Variants in CMIP observed in about 807,000 individuals in gnomAD.
The protein encoded by CMIP is c-Maf inducing protein.
In CMIP, 13 loss-of-function variants were observed where a neutral mutation model predicts 97.3. The ratio of observed to expected loss-of-function variants is 0.13; its 90% confidence interval spans 0.09 to 0.21. CMIP has a LOEUF of 0.21. CMIP is among the 10% of genes least tolerant of loss of function. The probability of loss-of-function intolerance (pLI) is 1.00; values close to 1 mark genes in which losing one functional copy is unlikely to be tolerated. For missense variants in CMIP, 847 were observed against 1,024.9 expected, an observed-to-expected ratio of 0.83 and a Z score of 2.37; for synonymous variants, 538 against 436.3, an observed-to-expected ratio of 1.23 and a Z score of -2.91.
chr16:81,603,143 G>A (rs149878874), intron 1 of CMIP, among the ~76,000 whole-genome samples: 3 of 152,212 alleles, frequency 2.0e-5, no homozygotes, highest in East Asian at 3.9e-4. Flanking sequence ...GCAGTGGCGC[G>A]ATCTCGGCTC....
intron 1 of CMIP, among the ~76,000 whole-genome samples, chr16:81,570,386 G>C (rs12444016): frequency 0.049 from 7,442 of 152,272 alleles, 265 homozygotes; most frequent in Middle Eastern, 0.13. Flanking sequence ...GAAGCACACT[G>C]GCGGTGAACC....
At chr16:81,463,103 G>A (rs1452856515) in intron 1 of CMIP, among the ~76,000 whole-genome samples, 4 of 152,178 alleles carry the variant, frequency 2.6e-5, no homozygotes, top group African/African-American at 9.7e-5. Flanking sequence ...GATGAGTGCA[G>A]GTCTAATGGG....
At chr16:81,475,190 C>T (rs1037765513) in intron 1 of CMIP, among the ~76,000 whole-genome samples, 3 of 152,150 alleles carry the variant, frequency 2.0e-5, no homozygotes. Context: ...CTGTCTCTTT[C>T]TCTCTAGGTG....
At chr16:81,488,842 A>G (rs2089362098) in intron 1 of CMIP, among the ~76,000 whole-genome samples, 2 of 152,160 alleles carry the variant, frequency 1.3e-5, no homozygotes, top group Non-Finnish European at 1.5e-5. Flanking sequence ...AGAGCGATGT[A>G]GTTGCCACTG....
At chr16:81,654,034 G>C (rs566631506) in intron 4 of CMIP, among the ~76,000 whole-genome samples, 80 of 152,284 alleles carry the variant, frequency 5.3e-4, no homozygotes, top group Non-Finnish European at 9.3e-4. Flanking sequence ...CCTTAGAGTT[G>C]CCAAGCGCTT....
Position 81,638,651 on chromosome 16 carries a change from C to T in CMIP, c.478-13552C>T, listed in dbSNP as rs1021462623. On this transcript the variant is annotated intron_variant, in intron 3 of 20. Transcript: ENST00000537098. ...AAGAACCCGGCAGCTTCTGCCTGCA[C>T]CTGAGAATGTTTTCCCCTCTTTCCC... 2.0e-4 allele frequency among the ~76,000 whole-genome samples: 31 copies of T among 152,150 alleles called. 1 individual carries two copies. Among genetic ancestry groups the T allele is most frequent in the African/African-American group, 7.0e-4 (29 of 41,516 alleles).
rs1411373361 is a variant in CMIP, at chr16:81,710,886, G to A, written c.*1087G>A. Reference sequence around the variant, plus strand: ...GCCTTTGCTGTCCCCTGTCCCCAACGGAGACTCTGTCACCCCTGGGCTCCC... The same window carrying A: ...GCCTTTGCTGTCCCCTGTCCCCAACAGAGACTCTGTCACCCCTGGGCTCCC... On this transcript the variant is annotated 3_prime_UTR_variant, in exon 21 of 21. Coordinates refer to ENST00000537098, the MANE Select transcript of CMIP (RefSeq NM_198390.3). 1 of 151,830 alleles carries A rather than the reference G, an allele frequency of 6.6e-6. No homozygotes were observed. The highest frequency in any genetic ancestry group is 2.1e-4 in the South Asian group (1 of 4,800). 9.4% of individuals were successfully genotyped at this position (151,830 alleles called of 1,614,324 possible). A position where few individuals can be genotyped will look rare whatever the true frequency, so the allele number is the denominator to read the frequency against.
chr16:81,599,415 C>T (rs1205699213), intron 1 of CMIP, among the ~76,000 whole-genome samples: 1 of 152,200 alleles, frequency 6.6e-6, no homozygotes, highest in Non-Finnish European at 1.5e-5. Context: ...AATATTTTGA[C>T]GGGCCTTCCC....
chr16:81,466,856 T>C (rs1907235566), intron 1 of CMIP, among the ~76,000 whole-genome samples: 1 of 152,196 alleles, frequency 6.6e-6, no homozygotes, highest in African/African-American at 2.4e-5. Flanking sequence ...AGGCTGTTGT[T>C]CCTTCACCAA....
chr16:81,500,605 C>T (rs974225508), intron 1 of CMIP, among the ~76,000 whole-genome samples: 4 of 151,776 alleles, frequency 2.6e-5, no homozygotes, highest in African/African-American at 9.7e-5. Context: ...TCTCCTGCCT[C>T]AGCCTCCTGA....
In CMIP at chr16:81,652,507, A is replaced by AC; in HGVS notation, c.639+146dup. 1 of 709,082 alleles carries AC rather than the reference A, an allele frequency of 1.4e-6. No homozygotes were observed. The highest frequency in any genetic ancestry group is 2.3e-6 in the Non-Finnish European group (1 of 426,896). The allele number at this position is 709,082 out of a possible 1,614,324, so 43.9% of individuals were successfully genotyped here. A position where few individuals can be genotyped will look rare whatever the true frequency, so the allele number is the denominator to read the frequency against. ...TGCCGAAGGAGGTGAGCAGTTGCCC[A>AC]CCCAGCCGTGTGTGGGAGTTGGGAG... is the stretch of plus-strand genomic sequence containing the variant. On this transcript the variant is annotated intron_variant, in intron 4 of 20. Transcript: ENST00000537098. This position sits in a 1 kb window ranked among gnomAD's most constrained non-coding sequence, Gnocchi z 5.2.
At chr16:81,484,930 C>T (rs1449846634) in intron 1 of CMIP, among the ~76,000 whole-genome samples, 1 of 152,040 alleles carries the variant, frequency 6.6e-6, no homozygotes, top group Non-Finnish European at 1.5e-5. Context: ...CTCCTGCCTT[C>T]CTCCTCCTAC....
At chr16:81,629,260 C>T (rs764370561) in intron 3 of CMIP, among the ~76,000 whole-genome samples, 2 of 151,878 alleles carry the variant, frequency 1.3e-5, no homozygotes, top group African/African-American at 2.4e-5. Flanking sequence ...TCAGCACAGC[C>T]GCTGTCAGAC....
intron 7 of CMIP, among the ~76,000 whole-genome samples, chr16:81,669,655 T>C (rs1307801629): frequency 3.7e-5 from 4 of 107,982 alleles, no homozygotes; most frequent in Admixed American, 9.2e-5. Flanking sequence ...CCTCACACCT[T>C]CCACACCCAC....
intron 20 of CMIP, among the ~76,000 whole-genome samples, chr16:81,708,299 C>T (rs959182019): frequency 2.6e-5 from 4 of 152,242 alleles, no homozygotes; most frequent in Non-Finnish European, 5.9e-5. Context: ...CCAGCACCCT[C>T]GGCACCACTC....
At chr16:81,525,322 C>G (rs1597506234) in intron 1 of CMIP, among the ~76,000 whole-genome samples, 1 of 150,552 alleles carries the variant, frequency 6.6e-6, no homozygotes, top group African/African-American at 2.5e-5. Flanking sequence ...TTTTGTGTTT[C>G]AGTAGAGACA....
intron 1 of CMIP, among the ~76,000 whole-genome samples, chr16:81,538,086 CT>C (rs963890652): frequency 2.0e-5 from 3 of 152,262 alleles, no homozygotes; most frequent in African/African-American, 7.2e-5. Flanking sequence ...TTGCATCCCC[CT>C]GTAACCCTGT....
At chr16:81,475,295 G>A (rs924346920) in intron 1 of CMIP, among the ~76,000 whole-genome samples, 4 of 152,222 alleles carry the variant, frequency 2.6e-5, no homozygotes, top group East Asian at 1.9e-4. Context: ...GCCATGCAAA[G>A]CAGGGTATAA....
intron 1 of CMIP, among the ~76,000 whole-genome samples, chr16:81,529,735 A>G (rs974190763): frequency 2.6e-5 from 4 of 152,134 alleles, no homozygotes; most frequent in African/African-American, 7.2e-5. Context: ...CAGCCTTGCA[A>G]TTCCCGGCTT....
Sources: allele counts gnomAD v4.1 joint callset (sites outside exome capture counted in the v4.1 genomes callset), GRCh38; gene constraint gnomAD v4.1.1; non-coding constraint Gnocchi (gnomAD v3.1); transcripts MANE v1.5; gene names NCBI Gene and HGNC (gene_info 2026-07-23, HGNC 2026-07-21).